Variants in KIF25 observed in about 807,000 individuals in gnomAD.
KIF25 encodes the protein kinesin family member 25.
A neutral mutation model predicts 32.9 loss-of-function variants in KIF25; 19 were observed. The observed-to-expected ratio is 0.58, with a 90% CI of 0.40 to 0.85. The LOEUF (loss-of-function observed/expected upper bound fraction) is 0.85. Among genes scored for constraint, KIF25 ranks in the 40% least tolerant of loss-of-function variants. The pLI, the probability that KIF25 is intolerant of heterozygous loss-of-function variation, is 0.00. For synonymous variants in KIF25, 225 were observed against 213.7 expected (o/e 1.05, Z -0.46); for missense variants, 485 against 507.0 (o/e 0.96, Z 0.42).
intron 5 of KIF25, among the ~76,000 whole-genome samples, chr6:168,028,054 G>T (rs954569416): frequency 1.3e-5 from 2 of 152,162 alleles, no homozygotes; most frequent in African/African-American, 4.8e-5. Flanking sequence ...GCTGGGACAC[G>T]CATGGCCGGG....
chr6:168,015,893 C>G (rs574634181), intron 4 of KIF25, among the ~76,000 whole-genome samples: 25 of 152,232 alleles, frequency 1.6e-4, no homozygotes, highest in African/African-American at 5.8e-4. Context: ...TATGGTGTCC[C>G]TTGAGCTTTC....
At chr6:168,033,631 T>A (rs769086525) in intron 7 of KIF25, among the ~76,000 whole-genome samples, 3 of 152,082 alleles carry the variant, frequency 2.0e-5, no homozygotes, top group Non-Finnish European at 4.4e-5. Flanking sequence ...GAAACCGGGA[T>A]GGATGAACCC....
At chr6:168,040,704 G>C (rs1324735116) in intron 10 of KIF25, among the ~76,000 whole-genome samples, 2 of 152,156 alleles carry the variant, frequency 1.3e-5, no homozygotes, top group African/African-American at 2.4e-5. Flanking sequence ...TGGGATCCCA[G>C]GCTGAGAAGA....
intron 9 of KIF25, 31 bp downstream of exon 9, chr6:168,038,760 CCT>C: frequency 6.2e-7 from 1 of 1,602,082 alleles, no homozygotes. Flanking sequence ...GTGCTGCTGG[CCT>C]CTGAGTGAGA....
At chr6:168,020,206 A>G (rs1798770736) in intron 5 of KIF25, among the ~76,000 whole-genome samples, 1 of 152,116 alleles carries the variant, frequency 6.6e-6, no homozygotes, top group Non-Finnish European at 1.5e-5. Context: ...CACGTTGAAG[A>G]CTCAGGGTCA....
intron 5 of KIF25, among the ~76,000 whole-genome samples, chr6:168,018,890 G>A (rs544565715): frequency 3.9e-5 from 6 of 152,322 alleles, no homozygotes; most frequent in South Asian, 2.1e-4. Context: ...TCAAGCCTCC[G>A]CTGAGCACTG....
intron 7 of KIF25, among the ~76,000 whole-genome samples, chr6:168,031,183 A>C (rs1798936575): frequency 6.6e-6 from 1 of 152,248 alleles, no homozygotes; most frequent in Admixed American, 6.5e-5. Flanking sequence ...AATTTAAAAA[A>C]AATCTGTAAG....
intron 5 of KIF25, among the ~76,000 whole-genome samples, 169 bp from the exon 6 acceptor site, chr6:168,029,323 G>A (rs965661020): frequency 6.6e-6 from 1 of 152,234 alleles, no homozygotes; most frequent in Non-Finnish European, 1.5e-5. Flanking sequence ...CAATGTAGAT[G>A]CCATGATGAA....
chr6:168,012,634 A>G (rs995371695), intron 4 of KIF25, among the ~76,000 whole-genome samples: 2 of 152,104 alleles, frequency 1.3e-5, no homozygotes, highest in African/African-American at 4.8e-5. Context: ...TGCTTAGCTG[A>G]CCTGGGAGTG....
intron 4 of KIF25, among the ~76,000 whole-genome samples, chr6:168,004,265 C>T (rs926027030): frequency 6.6e-6 from 1 of 152,136 alleles, no homozygotes; most frequent in African/African-American, 2.4e-5. Flanking sequence ...CAAGGGAGGC[C>T]TCAGAACAGA....
intron 7 of KIF25, 61 bp from the exon 8 acceptor site, chr6:168,033,821 T>C: frequency 2.6e-6 from 4 of 1,556,476 alleles, no homozygotes; most frequent in Non-Finnish European, 3.5e-6. Context: ...TGAAAATTTT[T>C]CCTGGAATCT....
intron 10 of KIF25, 38 bp downstream of exon 10, chr6:168,040,254 A>C (rs771646909): frequency 6.3e-7 from 1 of 1,578,608 alleles, no homozygotes. Flanking sequence ...GGCAAGTAAT[A>C]GAAAAACCCA....
At position 168,042,742 on chromosome 6, in the gene KIF25, AGGATGG is replaced by A. The variant is rs764653449; in HGVS notation, c.985+29_985+34del. ...GTAACCGTTTTCCCCAAAATGCCCC[AGGATGG>A]GGGACCACGTACCCCAGGACATGTG... On this transcript the variant is annotated intron_variant, in intron 12 of 12. Coordinates refer to ENST00000643607, the MANE Select transcript of KIF25 (RefSeq NM_030615.4). The A allele has an allele frequency of 2.3e-5, 37 of 1,596,204 alleles. 1 individual carries two copies. In the Admixed American group the frequency reaches 6.1e-4, roughly 26 times the overall value.
In KIF25 at chr6:168,040,234, C is replaced by G; in HGVS notation, c.646+18C>G. 1 of 1,599,262 alleles carries G rather than the reference C, an allele frequency of 6.3e-7. No individual in the cohort carries two copies. Among genetic ancestry groups the G allele is most frequent in the Non-Finnish European group, 8.5e-7 (1 of 1,171,280 alleles). On this transcript the variant is annotated intron_variant, in intron 10 of 12. Coordinates refer to ENST00000643607, the MANE Select transcript of KIF25 (RefSeq NM_030615.4). ...CAGCACTGGTAAGTCACCATTTGTG[C>G]TTGGTCAGTGGCAAGTAATAGAAAA... is the stretch of plus-strand genomic sequence containing the variant.
In KIF25 at chr6:167,999,161, C is replaced by G. The variant is rs546964241; in HGVS notation, c.-529C>G. The G allele has an allele frequency of 1.6e-4, 24 of 152,410 alleles. No homozygotes were observed. The highest frequency in any genetic ancestry group is 5.0e-4 in the African/African-American group (21 of 41,586). The allele number at this position is 152,410 out of a possible 1,614,324, so 9.4% of individuals were successfully genotyped here. The stretch of plus-strand genomic sequence containing the variant: ...GTCTCAGGAGCTGGTGCCCGGTGCA[C>G]GTTCAGTGGGGGATGCTCCGCAGTG... On this transcript the variant is annotated 5_prime_UTR_variant, in exon 2 of 13. Coordinates refer to ENST00000643607, the MANE Select transcript of KIF25 (RefSeq NM_030615.4).
intron 5 of KIF25, among the ~76,000 whole-genome samples, chr6:168,019,155 T>A (rs1206046419): frequency 1.3e-5 from 2 of 152,156 alleles, no homozygotes; most frequent in Admixed American, 6.5e-5. Flanking sequence ...TGGCATCCCA[T>A]AATAAAGCCG....
chr6:168,039,343 T>C (rs963120106), intron 9 of KIF25, among the ~76,000 whole-genome samples: 5 of 152,206 alleles, frequency 3.3e-5, no homozygotes, highest in Admixed American at 3.3e-4. Flanking sequence ...ATGAATCCTC[T>C]TGTAAAAGTG....
At chr6:168,014,367 C>A (rs1001845952) in intron 4 of KIF25, among the ~76,000 whole-genome samples, 2 of 152,162 alleles carry the variant, frequency 1.3e-5, no homozygotes, top group Non-Finnish European at 2.9e-5. Flanking sequence ...CCCGTTCCTG[C>A]CAAAGTTCCA....
intron 12 of KIF25, 150 bp downstream of exon 12, chr6:168,042,866 A>T: frequency 1.1e-6 from 1 of 916,054 alleles, no homozygotes; most frequent in Non-Finnish European, 1.6e-6. Context: ...CTCCCACGGC[A>T]CGGTGGTCAT....
Sources: gnomAD v4.1 joint callset for allele counts (sites outside exome capture counted in the v4.1 genomes callset) on GRCh38, gnomAD v4.1.1 for gene constraint, MANE v1.5 for transcripts, NCBI Gene and HGNC (gene_info 2026-07-23, HGNC 2026-07-21) for gene names.